The following PHF19 variants were observed in gnomAD, a reference collection of about 807,000 sequenced individuals.
PHF19 encodes the protein PHD finger protein 19.
A neutral mutation model predicts 79.8 loss-of-function variants in PHF19; 21 were observed. The observed-to-expected ratio is 0.26, with a 90% confidence interval of 0.19 to 0.38. The LOEUF is 0.38. Ranked by LOEUF, PHF19 falls within the 10% of genes least tolerant of loss-of-function variation. The probability of loss-of-function intolerance (pLI) is 1.00; values close to 1 mark genes in which losing one functional copy is unlikely to be tolerated. For synonymous variants in PHF19, 273 were observed against 296.3 expected, an observed-to-expected ratio of 0.92 and a Z score of 0.81; for missense variants, 445 against 744.2, an observed-to-expected ratio of 0.60 and a Z score of 4.68.
the PHF19 span, among the ~76,000 whole-genome samples, chr9:120,899,941 C>T: frequency 6.6e-6 from 1 of 152,288 alleles, no homozygotes; most frequent in South Asian, 2.1e-4. Flanking sequence ...GCGTTGGTAT[C>T]AAAAGACCCG....
the PHF19 span, chr9:120,903,397 A>G: frequency 6.6e-6 from 1 of 152,354 alleles, no homozygotes; most frequent in African/African-American, 2.4e-5. Context: ...CTTAGAGCCC[A>G]GCTGGCCTGG....
intron 1 of PHF19, among the ~76,000 whole-genome samples, chr9:120,894,450 A>G (rs550575560): frequency 9.3e-4 from 142 of 152,322 alleles, no homozygotes; most frequent in Non-Finnish European, 1.7e-3. Flanking sequence ...AAAGCAACGG[A>G]ATCCTTGGGA....
In PHF19 at chr9:120,877,163, C is replaced by G; in HGVS notation, c.-88G>C. 2.0e-6 allele frequency: 2 copies of G among 984,404 alleles called. No individual in the cohort carries two copies. Among genetic ancestry groups the G allele is most frequent in the Non-Finnish European group, 2.4e-6 (2 of 829,568 alleles). 61.0% of individuals were successfully genotyped at this position (984,404 alleles called of 1,614,324 possible). A position where few individuals can be genotyped will look rare whatever the true frequency, so the allele number is the denominator to read the frequency against. ...CGCATCGGTGGCGGAGGCGGCTGCG[C>G]TCGGCCCGCGGCTGCCCGGCCGAGT... is the stretch of plus-strand genomic sequence containing the variant. On this transcript the variant is annotated 5_prime_UTR_variant, in exon 1 of 15. Coordinates refer to ENST00000373896, the MANE Select transcript of PHF19 (RefSeq NM_015651.3).
chr9:120,867,146 C>T (rs1210880098), intron 6 of PHF19, among the ~76,000 whole-genome samples, 181 bp from the exon 7 acceptor site: 2 of 152,228 alleles, frequency 1.3e-5, no homozygotes, highest in Non-Finnish European at 2.9e-5. Flanking sequence ...CTCATTTCAC[C>T]TCACCACCTG....
chr9:120,870,440 C>T lies in PHF19; in HGVS notation c.364+3G>A. 1.3e-6 allele frequency: 2 copies of T among 1,599,380 alleles called. No homozygotes were observed. The highest frequency in any genetic ancestry group is 1.7e-6 in the Non-Finnish European group (2 of 1,166,540). Reference sequence around the variant, plus strand: ...TTCTCAGGGCCCTGCTCGCTCCACTCACCCAGGCCACACTTCCCGCAGATG... The same window carrying T: ...TTCTCAGGGCCCTGCTCGCTCCACTTACCCAGGCCACACTTCCCGCAGATG... On this transcript the variant is annotated splice_donor_region_variant and intron_variant, in intron 4 of 14. Transcript: ENST00000373896. This position sits in a 1 kb window ranked among gnomAD's most constrained non-coding sequence, Gnocchi z 4.4.
upstream of PHF19, chr9:120,877,297 G>A (rs2046094721): frequency 2.1e-6 from 2 of 964,408 alleles, no homozygotes; most frequent in Non-Finnish European, 2.5e-6. Flanking sequence ...GCTCAGGAAG[G>A]GGCCCCCCGG....
At chr9:120,897,635 AT>A (rs200206261), upstream of PHF19, among the ~76,000 whole-genome samples, 179 of 151,906 alleles carry the variant, frequency 1.2e-3, no homozygotes, top group African/African-American at 2.4e-3. Flanking sequence ...AACCTATCAA[AT>A]TTTTTTTTAT....
chr9:120,864,218 C>A, intron 9 of PHF19, 102 bp from the exon 10 acceptor site: 1 of 954,110 alleles, frequency 1.0e-6, no homozygotes, highest in South Asian at 1.4e-5. Context: ...GCTTCTGAGT[C>A]CTTCAGGTGA....
At position 120,869,355 on chromosome 9, in the gene PHF19, C is replaced by A; in HGVS notation, c.466-25G>T. The A allele has an allele frequency of 6.2e-7, 1 of 1,607,616 alleles. No homozygotes were observed. The highest frequency in any genetic ancestry group is 1.7e-5 in the Admixed American group (1 of 59,508). On this transcript the variant is annotated intron_variant, in intron 5 of 14. Coordinates refer to ENST00000373896, the MANE Select transcript of PHF19 (RefSeq NM_015651.3). The surrounding 1 kb of genome is among the most constrained non-coding windows in gnomAD (Gnocchi z 5.8). ...TCTGGGGGGAGACGAGGGCCCCAGT[C>A]AACCACCAGGTCCGGGTGGACCACG...
Position 120,862,706 on chromosome 9 carries a change from G to A in PHF19, c.1012C>T (p.Arg338Cys), listed in dbSNP as rs867724180. 5.6e-6 allele frequency: 9 copies of A among 1,614,138 alleles called. No individual in the cohort carries two copies. Among genetic ancestry groups the A allele is most frequent in the South Asian group, 1.1e-5 (1 of 91,086 alleles). Residue 338 changes from arginine to cysteine, a missense_variant, in exon 11 of 15, where the codon CGC (arginine) becomes TGC (cysteine). Physicochemically the swap from Arg to Cys is radical, Grantham distance 180 (BLOSUM62 -3). Coordinates refer to ENST00000373896, the MANE Select transcript of PHF19 (RefSeq NM_015651.3). The surrounding 1 kb of genome is among the most constrained non-coding windows in gnomAD (Gnocchi z 4.6). ...KEIKKKKCIF[R>C]LRIRVPPNPP... ...TTGGGTGGGACGCGGATGCGCAGGC[G>A]GAAGATGCACTTCTTCTTCTTGATC...
At chr9:120,875,377 T>C (rs1354419186) in intron 1 of PHF19, among the ~76,000 whole-genome samples, 1 of 152,198 alleles carries the variant, frequency 6.6e-6, no homozygotes, top group Non-Finnish European at 1.5e-5. Context: ...CAGATACACA[T>C]TTGCTCCAAG....
chr9:120,867,018 T>C (rs759969999), intron 6 of PHF19, 53 bp from the exon 7 acceptor site: 1 of 1,053,634 alleles, frequency 9.5e-7, no homozygotes. Context: ...CAGTCAGGTA[T>C]GAGCTTCGGC....
intron 6 of PHF19, among the ~76,000 whole-genome samples, chr9:120,868,094 G>T (rs1046546040): frequency 6.6e-6 from 1 of 151,872 alleles, no homozygotes; most frequent in Non-Finnish European, 1.5e-5. Flanking sequence ...TTGGAGACAG[G>T]GTCGTCCTGC....
intron 6 of PHF19, among the ~76,000 whole-genome samples, chr9:120,867,384 G>A (rs2045736020): frequency 6.6e-6 from 1 of 152,226 alleles, no homozygotes; most frequent in African/African-American, 2.4e-5. Flanking sequence ...GAGAATAATG[G>A]TTTCTGTAAG....
intron 14 of PHF19, among the ~76,000 whole-genome samples, chr9:120,858,829 A>ACC (rs2045427497): frequency 6.6e-6 from 1 of 151,246 alleles, no homozygotes; most frequent in African/African-American, 2.4e-5. Context: ...ACACACACAC[A>ACC]CACACACACA....
chr9:120,893,810 C>G lies in PHF19; in HGVS notation c.42+978G>C, dbSNP rs1307286675. 2.0e-5 allele frequency among the ~76,000 whole-genome samples: 3 copies of G among 152,144 alleles called. No homozygotes were observed. In the South Asian group the frequency reaches 6.2e-4, roughly 31 times the overall value. ...AGAAAATACATCATATAGATCCCTG[C>G]GATGGAAGGTGGTCTATGGTGAGTT... On this transcript the variant is annotated intron_variant, in intron 1 of 14. Coordinates refer to the PHF19 transcript ENST00000616568.
intron 1 of PHF19, among the ~76,000 whole-genome samples, chr9:120,882,958 C>T (rs1186093048): frequency 3.9e-5 from 6 of 151,986 alleles, no homozygotes; most frequent in African/African-American, 7.3e-5. Flanking sequence ...ACCAGTTAGA[C>T]GAGCCCATGT....
intron 14 of PHF19, among the ~76,000 whole-genome samples, chr9:120,858,517 C>T (rs1012936458): frequency 2.0e-5 from 3 of 152,076 alleles, no homozygotes; most frequent in African/African-American, 4.8e-5. Context: ...AAGAGCCCTG[C>T]GAGGAGGGAA....
At chr9:120,894,229 AC>A (rs2046376357) in intron 1 of PHF19, among the ~76,000 whole-genome samples, 1 of 152,068 alleles carries the variant, frequency 6.6e-6, no homozygotes, top group Admixed American at 6.5e-5. Flanking sequence ...ATCACCCACT[AC>A]CTTTGGAGGG....
Sources: allele counts gnomAD v4.1 joint callset (sites outside exome capture counted in the v4.1 genomes callset), GRCh38; gene constraint gnomAD v4.1.1; non-coding constraint Gnocchi (gnomAD v3.1); transcripts MANE v1.5; gene names NCBI Gene and HGNC (gene_info 2026-07-23, HGNC 2026-07-21).